LRP5: variants seen among roughly 807,000 people sequenced by gnomAD.
LRP5 encodes LDL receptor related protein 5, also known as low-density lipoprotein receptor-related protein 5.
In LRP5, 62 loss-of-function variants were observed where a neutral mutation model predicts 154.1. The observed-to-expected ratio is 0.40, with a 90% CI of 0.33 to 0.50. The LOEUF is 0.50. Ranked by LOEUF, LRP5 falls within the 20% of genes least tolerant of loss-of-function variation. The pLI is 0.55. For missense variants in LRP5, 1,915 were observed against 2,336.7 expected (o/e 0.82, Z 3.72); for synonymous variants, 966 against 1,011.5 (o/e 0.96, Z 0.85).
chr11:68,403,109 G>A (rs1242785748), intron 7 of LRP5, among the ~76,000 whole-genome samples: 1 of 152,138 alleles, frequency 6.6e-6, no homozygotes, highest in Non-Finnish European at 1.5e-5. Context: ...GCCAGGTGTG[G>A]TGGCGGGTAC....
chr11:68,330,238 C>T (rs1591181939), intron 1 of LRP5, among the ~76,000 whole-genome samples: 1 of 152,114 alleles, frequency 6.6e-6, no homozygotes, highest in East Asian at 1.9e-4. Context: ...CACCCCGCCC[C>T]CAGCCCCTTG....
At position 68,429,493 on chromosome 11, in the gene LRP5, C is replaced by T. The variant is rs607887; in HGVS notation, c.3638-82C>T. The T allele has an allele frequency of 0.32, 504,526 of 1,581,846 alleles. 83,985 individuals carry two copies. Among genetic ancestry groups the T allele is most frequent in the African/African-American group, 0.5 (36,965 of 74,334 alleles). On this transcript the variant is annotated intron_variant, in intron 16 of 22. Transcript: ENST00000294304. ...AGGAGGGCCAGTTCTCATGAGTTCT[C>T]ATTTGGCCCCTACCCTCCAGGCTGT...
chr11:68,422,709 G>A (rs1181227315), intron 13 of LRP5, among the ~76,000 whole-genome samples: 1 of 151,974 alleles, frequency 6.6e-6, no homozygotes, highest in Middle Eastern at 3.2e-3. Context: ...TCCCAAGAGG[G>A]GCTCTGAGTC....
At position 68,351,407 on chromosome 11, in the gene LRP5, A is replaced by G. The variant is rs114116313; in HGVS notation, c.488+3164A>G. ...GGCTCCAGGAGTCGCGGGGTTACTG[A>G]CCTTCTTTTTGGAAGGGTCGGCTGG... On this transcript the variant is annotated intron_variant, in intron 2 of 22. Transcript: ENST00000294304. Among the ~76,000 whole-genome samples the G allele has an allele frequency of 3.8e-3, 573 of 151,972 alleles. 5 individuals are homozygous for G. Among genetic ancestry groups the G allele is most frequent in the African/African-American group, 0.013 (534 of 41,450 alleles).
At chr11:68,377,554 C>A (rs1016115252) in intron 5 of LRP5, among the ~76,000 whole-genome samples, 7 of 152,192 alleles carry the variant, frequency 4.6e-5, no homozygotes, top group Admixed American at 2.6e-4. Flanking sequence ...CGGCATTTGC[C>A]CCACCACTTA....
the LRP5 span, among the ~76,000 whole-genome samples, chr11:68,299,424 G>A: frequency 6.6e-6 from 1 of 152,132 alleles, no homozygotes; most frequent in African/African-American, 2.4e-5. Flanking sequence ...CTTAGCAGGA[G>A]GTGAGGGCGG....
chr11:68,347,128 G>A (rs2098613724), intron 1 of LRP5, among the ~76,000 whole-genome samples: 1 of 152,202 alleles, frequency 6.6e-6, no homozygotes, highest in African/African-American at 2.4e-5. Context: ...AGGCCTTGGA[G>A]GCCAGGCTAG....
intron 1 of LRP5, among the ~76,000 whole-genome samples, chr11:68,320,992 C>A (rs538315870): frequency 1.2e-4 from 18 of 151,572 alleles, no homozygotes; most frequent in African/African-American, 4.4e-4. Flanking sequence ...ATAAATATAT[C>A]CTCCATTATT....
chr11:68,367,947 C>G lies in LRP5; in HGVS notation c.1015+2245C>G, dbSNP rs190532743. Among the ~76,000 whole-genome samples the G allele has an allele frequency of 9.2e-5, 14 of 152,130 alleles. No homozygotes were observed. In the East Asian group the frequency reaches 2.7e-3, roughly 29 times the overall value. On this transcript the variant is annotated intron_variant, in intron 5 of 22. Coordinates refer to ENST00000294304, the MANE Select transcript of LRP5 (RefSeq NM_002335.4). ...GGCAGTAGTGGCACGGGCCTGTAATCCCAGCTACTTGGGAGACTGAGGCAG... is the reference window on the plus strand; with the variant it reads ...GGCAGTAGTGGCACGGGCCTGTAATGCCAGCTACTTGGGAGACTGAGGCAG...
Position 68,433,643 on chromosome 11 carries a change from G to A in LRP5, c.3805G>A (p.Gly1269Arg). 6.2e-7 allele frequency: 1 copy of A among 1,613,524 alleles called. No homozygotes were observed. Among genetic ancestry groups the A allele is most frequent in the South Asian group, 1.1e-5 (1 of 91,082 alleles). Residue 1269 changes from glycine (G) to arginine (R), a missense_variant, in exon 18 of 23, where the codon GGG becomes AGG. This residue lies in a region of LRP5 where 1,094 missense variants were observed against 1,210.1 expected (regional missense o/e 0.90). Coordinates refer to ENST00000294304, the MANE Select transcript of LRP5 (RefSeq NM_002335.4). Reference protein sequence around the residue: ...CSPDQFACATGEIDCIPGAWR... With the variant: ...CSPDQFACATREIDCIPGAWR... ...CCCGGACCAGTTTGCATGTGCCACAGGGGAGATCGACTGTATCCCCGGGGC... is the reference window on the plus strand; with the variant it reads ...CCCGGACCAGTTTGCATGTGCCACAAGGGAGATCGACTGTATCCCCGGGGC...
chr11:68,379,345 G>A (rs749833020), intron 5 of LRP5, among the ~76,000 whole-genome samples: 2 of 152,218 alleles, frequency 1.3e-5, no homozygotes, highest in Non-Finnish European at 2.9e-5. Context: ...GGTGGTGTCT[G>A]GTTGCAGGAA....
intron 1 of LRP5, among the ~76,000 whole-genome samples, chr11:68,317,566 G>A (rs559248525): frequency 1.3e-5 from 2 of 152,218 alleles, no homozygotes; most frequent in East Asian, 3.9e-4. Flanking sequence ...GGTTGGGGGT[G>A]GGGGGAGCTC....
At chr11:68,333,153 C>T (rs768253533) in intron 1 of LRP5, among the ~76,000 whole-genome samples, 4 of 152,104 alleles carry the variant, frequency 2.6e-5, no homozygotes, top group African/African-American at 7.2e-5. Context: ...AGGAGAGACG[C>T]GTAGATGTTG....
intron 1 of LRP5, among the ~76,000 whole-genome samples, chr11:68,330,123 G>A (rs1346762889): frequency 2.0e-5 from 3 of 152,180 alleles, no homozygotes; most frequent in African/African-American, 7.2e-5. Context: ...CAGAGTATGT[G>A]TGCACGTGTG....
chr11:68,403,865 C>A, intron 8 of LRP5, 166 bp downstream of exon 8: 2 of 729,726 alleles, frequency 2.7e-6, no homozygotes, highest in Non-Finnish European at 4.5e-6. Flanking sequence ...GGGAAGGGAC[C>A]AAGGGAGCTG....
chr11:68,341,909 C>A (rs924039055), intron 1 of LRP5, among the ~76,000 whole-genome samples: 8 of 152,124 alleles, frequency 5.3e-5, no homozygotes, highest in Non-Finnish European at 1.0e-4. Flanking sequence ...GAATACGGAG[C>A]CATTCAGGCC....
chr11:68,328,790 G>T (rs1156882818), intron 1 of LRP5, among the ~76,000 whole-genome samples: 1 of 152,166 alleles, frequency 6.6e-6, no homozygotes, highest in East Asian at 1.9e-4. Context: ...ATCTGGAGTC[G>T]AACTTGCCCT....
chr11:68,324,189 G>A (rs1312231886), intron 1 of LRP5, among the ~76,000 whole-genome samples: 6 of 152,260 alleles, frequency 3.9e-5, no homozygotes, highest in Admixed American at 2.6e-4. Context: ...CAAGTGCGGC[G>A]TTGCCTGTCC....
In LRP5 at chr11:68,363,805, ACT is replaced by A. The variant is rs748552376; in HGVS notation, c.748_749del (p.Leu250ValfsTer50). 2.5e-6 allele frequency: 4 copies of A among 1,612,860 alleles called. No homozygotes were observed. Among genetic ancestry groups the A allele is most frequent in the African/African-American group, 1.3e-5 (1 of 74,832 alleles). On this transcript the variant is annotated frameshift_variant, in exon 4 of 23. Coordinates refer to ENST00000294304, the MANE Select transcript of LRP5 (RefSeq NM_002335.4). LOFTEE classifies it high-confidence loss of function. ...CTTCGCCCTGACGCTCTCCGGGGAC[ACT>A]CTGTACTGGACAGACTGGCAGACCC... ...HPFALTLSGD[T>X]LYWTDWQTRS...
Sources: gnomAD v4.1 joint callset for allele counts (sites outside exome capture counted in the v4.1 genomes callset) on GRCh38, gnomAD v4.1.1 for gene constraint, gnomAD v4.1.1 regional missense constraint, MANE v1.5 for transcripts, NCBI Gene and HGNC (gene_info 2026-07-23, HGNC 2026-07-21) for gene names.